MYT1L: variants seen among roughly 807,000 people sequenced by gnomAD.
The protein encoded by MYT1L is myelin transcription factor 1 like.
In MYT1L, 12 loss-of-function variants were observed where a neutral mutation model predicts 126.7. The ratio of observed to expected loss-of-function variants is 0.09; its 90% CI spans 0.06 to 0.15. The LOEUF is 0.15. Among genes scored for constraint, MYT1L ranks in the 10% least tolerant of loss-of-function variants. MYT1L has a pLI of 1.00. For synonymous variants in MYT1L, 541 were observed against 604.2 expected (o/e 0.90, Z 1.53); for missense variants, 979 against 1,585.2 (o/e 0.62, Z 6.49).
chr2:1,819,621 G>A (rs771840363), intron 21 of MYT1L, among the ~76,000 whole-genome samples: 4 of 149,688 alleles, frequency 2.7e-5, no homozygotes, highest in Non-Finnish European at 4.4e-5. Flanking sequence ...AGTGCAGTTC[G>A]GGCAGAGGCC....
At chr2:2,058,256 C>T (rs1281147162) in intron 3 of MYT1L, among the ~76,000 whole-genome samples, 2 of 152,148 alleles carry the variant, frequency 1.3e-5, no homozygotes, top group African/African-American at 4.8e-5. Flanking sequence ...ATGTCTTTTG[C>T]CCATTTTCTT....
intron 1 of MYT1L, among the ~76,000 whole-genome samples, chr2:2,299,462 T>C (rs1334654301): frequency 6.6e-6 from 1 of 152,156 alleles, no homozygotes; most frequent in Non-Finnish European, 1.5e-5. Context: ...GAAGCCTGAG[T>C]GTGCACCAGT....
chr2:2,078,267 A>G (rs1300870855), intron 3 of MYT1L, among the ~76,000 whole-genome samples: 1 of 152,184 alleles, frequency 6.6e-6, no homozygotes, highest in Non-Finnish European at 1.5e-5. Flanking sequence ...AAAATAGGGA[A>G]ATAGAGGAAT....
At chr2:1,817,220 T>C (rs1258501339) in intron 21 of MYT1L, among the ~76,000 whole-genome samples, 1 of 152,146 alleles carries the variant, frequency 6.6e-6, no homozygotes, top group Non-Finnish European at 1.5e-5. Context: ...CTAAGTTATG[T>C]GCGGTTAATT....
chr2:2,285,980 T>A (rs966627955), intron 1 of MYT1L, among the ~76,000 whole-genome samples: 1 of 144,056 alleles, frequency 6.9e-6, no homozygotes, highest in African/African-American at 2.4e-5. Flanking sequence ...ACTCTTCTTC[T>A]TCTTCTTCCT....
At chr2:2,174,066 C>G (rs760235932) in intron 2 of MYT1L, among the ~76,000 whole-genome samples, 10 of 152,044 alleles carry the variant, frequency 6.6e-5, no homozygotes, top group Non-Finnish European at 1.2e-4. Flanking sequence ...ACATAAAGAA[C>G]AAAATAATGC....
intron 3 of MYT1L, among the ~76,000 whole-genome samples, chr2:2,065,572 C>T (rs1341683839): frequency 6.6e-6 from 1 of 152,034 alleles, no homozygotes; most frequent in Non-Finnish European, 1.5e-5. Flanking sequence ...GCCTCAGTAA[C>T]CCGGCATGGT....
At chr2:2,304,999 A>G (rs2095840292) in intron 1 of MYT1L, among the ~76,000 whole-genome samples, 2 of 152,376 alleles carry the variant, frequency 1.3e-5, no homozygotes, top group South Asian at 4.1e-4. Flanking sequence ...ATAGAAGTAT[A>G]AGATATCTCA....
At chr2:2,273,255 A>G (rs780220701) in intron 2 of MYT1L, among the ~76,000 whole-genome samples, 11 of 152,150 alleles carry the variant, frequency 7.2e-5, no homozygotes, top group Non-Finnish European at 1.5e-4. Context: ...GAAAAACACT[A>G]AATAGTGAGG....
At chr2:2,153,680 G>A (rs2086212657) in intron 3 of MYT1L, among the ~76,000 whole-genome samples, 1 of 152,210 alleles carries the variant, frequency 6.6e-6, no homozygotes, top group Non-Finnish European at 1.5e-5. Flanking sequence ...CTCAACTAGT[G>A]ATGCTAGTGA....
intron 3 of MYT1L, among the ~76,000 whole-genome samples, chr2:2,166,915 A>T (rs1572066837): frequency 6.6e-6 from 1 of 152,204 alleles, no homozygotes. Context: ...CTTTAACAAA[A>T]TGTTCTTAAA....
At chr2:2,184,647 C>T (rs2091923324) in intron 2 of MYT1L, among the ~76,000 whole-genome samples, 1 of 152,174 alleles carries the variant, frequency 6.6e-6, no homozygotes, top group South Asian at 2.1e-4. Flanking sequence ...GCAAGACCTC[C>T]TCTTCCCGCC....
chr2:2,133,095 C>A (rs1423547697), intron 3 of MYT1L, among the ~76,000 whole-genome samples: 1 of 152,168 alleles, frequency 6.6e-6, no homozygotes, highest in Non-Finnish European at 1.5e-5. Context: ...GACGAAGACA[C>A]ACGTTAAGAG....
chr2:2,026,389 C>G (rs1056897933), intron 4 of MYT1L, among the ~76,000 whole-genome samples: 7 of 152,150 alleles, frequency 4.6e-5, no homozygotes, highest in African/African-American at 1.7e-4. Context: ...ACTGGAGGGT[C>G]TGGGTTGCGA....
In MYT1L at chr2:2,322,850, T is replaced by C. The variant is rs552501399; in HGVS notation, c.-521+8117A>G. Among the ~76,000 whole-genome samples, 6 of 152,352 alleles carry C rather than the reference T, an allele frequency of 3.9e-5. No individual in the cohort carries two copies. The South Asian group carries it at 1.2e-3, about 32-fold the overall frequency. ...AGAAAATAATGGAACTATGACTTTA[T>C]GACTTTTCTCTAGGTAAGATTTCAT... On this transcript the variant is annotated intron_variant, in intron 1 of 24. Coordinates refer to ENST00000647738, the MANE Select transcript of MYT1L (RefSeq NM_001303052.2).
At chr2:2,176,517 T>C (rs2090801210) in intron 2 of MYT1L, among the ~76,000 whole-genome samples, 1 of 148,178 alleles carries the variant, frequency 6.7e-6, no homozygotes. Context: ...TTTTTTTTTT[T>C]GAGGTGGAGT....
At chr2:2,191,177 G>T (rs968670397) in intron 2 of MYT1L, among the ~76,000 whole-genome samples, 1 of 152,184 alleles carries the variant, frequency 6.6e-6, no homozygotes, top group African/African-American at 2.4e-5. Context: ...CCACCCCTAG[G>T]CATGGATGGA....
chr2:2,102,229 G>A (rs1323742531), intron 3 of MYT1L, among the ~76,000 whole-genome samples: 4 of 152,118 alleles, frequency 2.6e-5, no homozygotes, highest in Non-Finnish European at 5.9e-5. Flanking sequence ...AAACTGCCAT[G>A]TGCATAATTG....
chr2:2,270,633 T>C (rs2095244294), intron 2 of MYT1L, among the ~76,000 whole-genome samples: 1 of 151,946 alleles, frequency 6.6e-6, no homozygotes, highest in Non-Finnish European at 1.5e-5. Context: ...ACAGCCAATC[T>C]CCCTAATTGG....
Sources: gnomAD v4.1 joint callset for allele counts (sites outside exome capture counted in the v4.1 genomes callset) on GRCh38, gnomAD v4.1.1 for gene constraint, MANE v1.5 for transcripts, NCBI Gene and HGNC (gene_info 2026-07-23, HGNC 2026-07-21) for gene names.